Variants in STXBP4 observed in about 807,000 individuals in gnomAD.
The protein encoded by STXBP4 is syntaxin binding protein 4.
In STXBP4, 55 loss-of-function variants were observed where a neutral mutation model predicts 76.1. The observed-to-expected ratio is 0.72, with a 90% CI of 0.58 to 0.91. The LOEUF is 0.91. STXBP4 is among the 40% of genes least tolerant of loss of function. The probability of loss-of-function intolerance (pLI) is 0.00; values close to 1 mark genes in which losing one functional copy is unlikely to be tolerated. For synonymous variants in STXBP4, 201 were observed against 220.2 expected (o/e 0.91, Z 0.77); for missense variants, 618 against 636.9 (o/e 0.97, Z 0.32).
chr17:55,034,301 A>G (rs2078560950), intron 10 of STXBP4, 42 bp downstream of exon 10: 1 of 1,420,292 alleles, frequency 7.0e-7, no homozygotes, highest in Admixed American at 1.8e-5. Flanking sequence ...TGTATAAGTC[A>G]CAAGTCTTGA....
chr17:55,047,099 T>A lies in STXBP4; in HGVS notation c.956T>A (p.Leu319Ter). ...GGTTTTTAAATATAGGAAAAATTAT[T>A]GGAATCAGATAAGCAAAGGAAACAA... The part of the protein sequence containing the change: ...KEVNTLKEKL[L>*]ESDKQRKQLT... Residue 319 changes from leucine (L) to a stop codon, truncating the protein, a stop_gained, in exon 12 of 18, where the codon TTG becomes TAG. Transcript: ENST00000376352. LOFTEE classifies it high-confidence loss of function. The A allele has an allele frequency of 6.2e-7, 1 of 1,603,318 alleles. No homozygotes were observed. Among genetic ancestry groups the A allele is most frequent in the Non-Finnish European group, 8.5e-7 (1 of 1,172,118 alleles).
chr17:55,011,372 A>T (rs547975592), intron 8 of STXBP4, among the ~76,000 whole-genome samples: 2 of 152,026 alleles, frequency 1.3e-5, no homozygotes, highest in Non-Finnish European at 2.9e-5. Context: ...AACCTTTGAC[A>T]TTGCTAATGT....
intron 16 of STXBP4, among the ~76,000 whole-genome samples, chr17:55,106,526 C>A (rs1174704232): frequency 6.6e-6 from 1 of 152,006 alleles, no homozygotes; most frequent in Non-Finnish European, 1.5e-5. Flanking sequence ...GTTATTTAGC[C>A]TGTTAGTTGA....
In STXBP4 at chr17:54,981,542, G is replaced by T. The variant is rs958976139; in HGVS notation, c.-156-4072G>T. The stretch of plus-strand genomic sequence containing the variant: ...GTCTTCTTGGGAAAAATATGAGTTG[G>T]ATCTGTGCTTTATATTATGATGGAT... On this transcript the variant is annotated intron_variant, in intron 1 of 17. Coordinates refer to ENST00000376352, the MANE Select transcript of STXBP4 (RefSeq NM_178509.6). Among the ~76,000 whole-genome samples, 6 of 152,046 alleles carry T rather than the reference G, an allele frequency of 3.9e-5. No homozygotes were observed. The East Asian group carries it at 1.2e-3, about 29-fold the overall frequency.
rs2080402890 is a variant in STXBP4, at chr17:55,170,941, T to C, written c.*11030T>C. The C allele has an allele frequency of 6.6e-6, 1 of 152,222 alleles. No homozygotes were observed. 9.4% of individuals were successfully genotyped at this position (152,222 alleles called of 1,614,324 possible). ...GCCAAGTTTCATGACAGAGAAAGACTGGGGCCAATTCTGTGATTATGGATG... is the reference window on the plus strand; with the variant it reads ...GCCAAGTTTCATGACAGAGAAAGACCGGGGCCAATTCTGTGATTATGGATG... On this transcript the variant is annotated 3_prime_UTR_variant, in exon 18 of 18. Coordinates refer to ENST00000376352, the MANE Select transcript of STXBP4 (RefSeq NM_178509.6).
chr17:55,001,854 G>T (rs1239418095), intron 7 of STXBP4, among the ~76,000 whole-genome samples: 1 of 152,024 alleles, frequency 6.6e-6, no homozygotes. Flanking sequence ...GGATGGTCTC[G>T]ATCTCCTGAC....
intron 1 of STXBP4, 125 bp downstream of exon 1, chr17:54,968,940 C>T (rs1598127107): frequency 2.9e-6 from 1 of 345,222 alleles, no homozygotes; most frequent in East Asian, 5.5e-5. Context: ...GGGGTTGCGC[C>T]TGTGATCTTT....
At chr17:55,204,718 C>T in the STXBP4 span, among the ~76,000 whole-genome samples, 13 of 152,088 alleles carry the variant, frequency 8.5e-5, no homozygotes, top group African/African-American at 3.1e-4. Flanking sequence ...CCAAATGACA[C>T]CAGTTGGGCT....
chr17:55,195,461 ATT>A, the STXBP4 span, among the ~76,000 whole-genome samples: 1 of 152,032 alleles, frequency 6.6e-6, no homozygotes, highest in South Asian at 2.1e-4. Flanking sequence ...TTTTTTATTT[ATT>A]TTGAGACAGG....
intron 12 of STXBP4, among the ~76,000 whole-genome samples, chr17:55,056,052 C>T (rs895396248): frequency 4.6e-5 from 7 of 151,854 alleles, no homozygotes; most frequent in Admixed American, 3.9e-4. Flanking sequence ...GGGAAGTAAC[C>T]GAAGATCAGA....
At chr17:55,142,164 A>G (rs1348458836) in intron 17 of STXBP4, among the ~76,000 whole-genome samples, 1 of 152,214 alleles carries the variant, frequency 6.6e-6, no homozygotes, top group African/African-American at 2.4e-5. Flanking sequence ...AAGCCTGAAC[A>G]GGAATACATT....
At chr17:55,185,239 T>TCTTCTTCTC in the STXBP4 span, among the ~76,000 whole-genome samples, 1 of 46,302 alleles carries the variant, frequency 2.2e-5, no homozygotes. Context: ...TTCTTCTTCT[T>TCTTCTTCTC]CTTCTTCTTC....
intron 13 of STXBP4, among the ~76,000 whole-genome samples, chr17:55,077,616 G>T (rs1164776697): frequency 2.0e-5 from 3 of 151,230 alleles, no homozygotes; most frequent in Admixed American, 6.6e-5. Flanking sequence ...TACCCCAGTG[G>T]GCTCACTTGG....
chr17:55,007,336 CT>C (rs141409093), intron 7 of STXBP4, among the ~76,000 whole-genome samples, 169 bp from the exon 8 acceptor site: 29,809 of 148,428 alleles, frequency 0.2, 3,154 homozygotes, highest in Middle Eastern at 0.33. Context: ...TCTGTCCCCC[CT>C]CCAAAAAAAA....
the STXBP4 span, among the ~76,000 whole-genome samples, chr17:55,186,994 G>A: frequency 0.031 from 4,679 of 152,288 alleles, 97 homozygotes; most frequent in Non-Finnish European, 0.042. Flanking sequence ...AACCATGAAA[G>A]GTATTCATTC....
chr17:55,184,927 C>T, the STXBP4 span, among the ~76,000 whole-genome samples: 6 of 152,038 alleles, frequency 3.9e-5, no homozygotes, highest in Non-Finnish European at 7.4e-5. Context: ...GGCTGAGTGC[C>T]GTGGTACCAT....
At chr17:55,197,600 A>C in the STXBP4 span, among the ~76,000 whole-genome samples, 3 of 152,118 alleles carry the variant, frequency 2.0e-5, no homozygotes, top group African/African-American at 4.8e-5. Context: ...AAAATCAGCC[A>C]GGCGTGGTGG....
rs182390901 is a variant in STXBP4, at chr17:55,062,297, T to G, written c.1012-10603T>G. On this transcript the variant is annotated intron_variant, in intron 12 of 17. Coordinates refer to ENST00000376352, the MANE Select transcript of STXBP4 (RefSeq NM_178509.6). The stretch of plus-strand genomic sequence containing the variant: ...ATGATCCCCTTTCTGTGTCCATGTG[T>G]TCTCATTGTTCAACTCCCACTTTTG... 6.6e-5 allele frequency among the ~76,000 whole-genome samples: 10 copies of G among 152,256 alleles called. No homozygotes were observed. The East Asian group carries it at 1.9e-3, about 29-fold the overall frequency.
At chr17:55,036,407 T>G (rs988868074) in intron 10 of STXBP4, among the ~76,000 whole-genome samples, 23 of 150,972 alleles carry the variant, frequency 1.5e-4, no homozygotes, top group African/African-American at 5.6e-4. Context: ...CTAGTCACCT[T>G]ACGCTTTTTG....
Sources: allele counts gnomAD v4.1 joint callset (sites outside exome capture counted in the v4.1 genomes callset), GRCh38; gene constraint gnomAD v4.1.1; transcripts MANE v1.5; gene names NCBI Gene and HGNC (gene_info 2026-07-23, HGNC 2026-07-21).